PRKG1: variants seen among roughly 807,000 people sequenced by gnomAD.
PRKG1 encodes the protein cGMP-dependent protein kinase 1.
In PRKG1, 35 loss-of-function variants were observed where a neutral mutation model predicts 88.1. The observed-to-expected ratio is 0.40, with a 90% confidence interval of 0.30 to 0.53. The LOEUF is 0.53. Ranked by LOEUF, PRKG1 falls within the 20% of genes least tolerant of loss-of-function variation. The pLI, the probability that PRKG1 is intolerant of heterozygous loss-of-function variation, is 0.59. For synonymous variants in PRKG1, 303 were observed against 292.5 expected, an observed-to-expected ratio of 1.04 and a Z score of -0.37; for missense variants, 540 against 839.8, an observed-to-expected ratio of 0.64 and a Z score of 4.41.
chr10:51,509,876 G>T (rs1171391807), intron 3 of PRKG1, among the ~76,000 whole-genome samples: 1 of 152,168 alleles, frequency 6.6e-6, no homozygotes, highest in Non-Finnish European at 1.5e-5. Context: ...ATAACAAGAT[G>T]CTTCTGGAGT....
rs751991418 is a variant in PRKG1, at chr10:52,054,462, T to A, written c.763-22T>A. The A allele has an allele frequency of 2.5e-6, 4 of 1,592,844 alleles. No homozygotes were observed. The African/African-American group carries it at 4.0e-5, about 16-fold the overall frequency. ...AACTTACTGCTTGCTTAATTTTTTTTCTTATTGTTTCTACTTTTCAGACCC... is the reference window on the plus strand; with the variant it reads ...AACTTACTGCTTGCTTAATTTTTTTACTTATTGTTTCTACTTTTCAGACCC... On this transcript the variant is annotated intron_variant, in intron 5 of 17. Coordinates refer to ENST00000373980, the MANE Select transcript of PRKG1 (RefSeq NM_006258.4).
intron 2 of PRKG1, among the ~76,000 whole-genome samples, chr10:51,432,055 T>G (rs293333): frequency 0.044 from 6,761 of 152,212 alleles, 446 homozygotes; most frequent in African/African-American, 0.14. Flanking sequence ...CCTTGACACA[T>G]GTACCAAAAC....
intron 1 of PRKG1, among the ~76,000 whole-genome samples, chr10:51,033,791 G>T (rs981927593): frequency 6.6e-6 from 1 of 152,042 alleles, no homozygotes; most frequent in East Asian, 1.9e-4. Flanking sequence ...AGGACACGGA[G>T]GAAAAAAGAA....
chr10:51,201,997 T>C (rs1284034502), intron 2 of PRKG1, among the ~76,000 whole-genome samples: 9 of 152,248 alleles, frequency 5.9e-5, no homozygotes, highest in Non-Finnish European at 1.5e-5. Context: ...TAACAGCTAC[T>C]GACTGAACAT....
chr10:51,797,304 T>C (rs7082426), intron 3 of PRKG1, among the ~76,000 whole-genome samples: 6,461 of 148,392 alleles, frequency 0.044, 433 homozygotes, highest in African/African-American at 0.15. Flanking sequence ...TAGTAAAATA[T>C]ATATTTTTTA....
intron 4 of PRKG1, among the ~76,000 whole-genome samples, chr10:51,861,673 A>G (rs1019315297): frequency 6.6e-6 from 1 of 152,252 alleles, no homozygotes; most frequent in Non-Finnish European, 1.5e-5. Context: ...TATACTTCTT[A>G]CTTTAAAAAT....
chr10:51,181,785 A>G (rs1042248818), intron 2 of PRKG1, among the ~76,000 whole-genome samples: 7 of 152,180 alleles, frequency 4.6e-5, no homozygotes, highest in African/African-American at 7.2e-5. Context: ...TTCCACTGCA[A>G]TCTATTAAAG....
intron 1 of PRKG1, among the ~76,000 whole-genome samples, chr10:50,996,219 C>T (rs978388465): frequency 6.6e-6 from 1 of 152,176 alleles, no homozygotes; most frequent in Non-Finnish European, 1.5e-5. Context: ...CCCTAAAAGA[C>T]GTCCCCACTT....
Position 51,877,115 on chromosome 10 carries a change from T to G in PRKG1, c.699-30392T>G, listed in dbSNP as rs187941763. Among the ~76,000 whole-genome samples, 201 of 152,170 alleles carry G rather than the reference T, an allele frequency of 1.3e-3. 1 individual carries two copies. Among genetic ancestry groups the G allele is most frequent in the African/African-American group, 4.6e-3 (193 of 41,520 alleles). ...TTTAGGTCCTTTCTTAGGATTGTCT[T>G]TCTCCCCCCATGCACCCTCCCATGT... is the stretch of plus-strand genomic sequence containing the variant. On this transcript the variant is annotated intron_variant, in intron 4 of 17. Coordinates refer to ENST00000373980, the MANE Select transcript of PRKG1 (RefSeq NM_006258.4).
chr10:51,430,915 G>T (rs995485965), intron 2 of PRKG1, among the ~76,000 whole-genome samples: 8 of 152,182 alleles, frequency 5.3e-5, no homozygotes, highest in Non-Finnish European at 7.3e-5. Flanking sequence ...GCAGATCAAT[G>T]GTTGCCTCGG....
chr10:51,144,909 T>C (rs1033991798), intron 1 of PRKG1, among the ~76,000 whole-genome samples: 14 of 152,192 alleles, frequency 9.2e-5, no homozygotes, highest in African/African-American at 3.1e-4. Context: ...AAGGGGGTGA[T>C]AGAGAATCAT....
chr10:51,337,121 T>A (rs1329139916), intron 2 of PRKG1, among the ~76,000 whole-genome samples: 6 of 152,176 alleles, frequency 3.9e-5, no homozygotes, highest in Non-Finnish European at 7.4e-5. Context: ...TCTACAACCA[T>A]CCAATCTTTG....
intron 2 of PRKG1, among the ~76,000 whole-genome samples, chr10:51,225,167 G>A (rs540128222): frequency 9.0e-4 from 137 of 152,308 alleles, no homozygotes; most frequent in African/African-American, 3.0e-3. Context: ...AGGCGCTGGC[G>A]TATTTAGTGT....
chr10:51,579,536 TTTA>T (rs1260184518), intron 3 of PRKG1, among the ~76,000 whole-genome samples: 5 of 152,160 alleles, frequency 3.3e-5, no homozygotes, highest in African/African-American at 1.2e-4. Flanking sequence ...GAACATATCT[TTTA>T]ACAAAATGTT....
intron 2 of PRKG1, among the ~76,000 whole-genome samples, chr10:51,169,213 A>G (rs754673597): frequency 6.7e-4 from 102 of 152,266 alleles, no homozygotes; most frequent in Non-Finnish European, 1.1e-3. Flanking sequence ...CTCTAATACC[A>G]TAATGTTTTC....
chr10:51,260,136 C>A (rs1432665800), intron 2 of PRKG1, among the ~76,000 whole-genome samples: 1 of 152,126 alleles, frequency 6.6e-6, no homozygotes, highest in Non-Finnish European at 1.5e-5. Context: ...GAACTGCTGC[C>A]TGCCAATTCC....
chr10:52,019,796 T>C (rs79702175), intron 5 of PRKG1, among the ~76,000 whole-genome samples: 7,450 of 152,228 alleles, frequency 0.049, 461 homozygotes, highest in African/African-American at 0.14. Flanking sequence ...GGAGGTCTTT[T>C]TGTCTGGGGA....
Position 51,785,345 on chromosome 10 carries a change from C to T in PRKG1, c.593-19240C>T, listed in dbSNP as rs534405658. Among the ~76,000 whole-genome samples the T allele has an allele frequency of 4.0e-5, 6 of 151,786 alleles. No homozygotes were observed. The East Asian group carries it at 7.8e-4, about 20-fold the overall frequency. ...ACTGTGGCATAACCCTGACCATGGA[C>T]GTTTTTCTTGTTCTTTGTTACTGTT... On this transcript the variant is annotated intron_variant, in intron 3 of 17. Transcript: ENST00000373980.
chr10:51,898,746 G>A (rs932745667), intron 4 of PRKG1, among the ~76,000 whole-genome samples: 2 of 152,062 alleles, frequency 1.3e-5, no homozygotes, highest in African/African-American at 2.4e-5. Flanking sequence ...GAGCCCAGAA[G>A]GTTAAAGCTG....
Sources: allele counts gnomAD v4.1 joint callset (sites outside exome capture counted in the v4.1 genomes callset), GRCh38; gene constraint gnomAD v4.1.1; transcripts MANE v1.5; gene names NCBI Gene and HGNC (gene_info 2026-07-23, HGNC 2026-07-21).